The following EMC10 variants were observed in gnomAD, a reference collection of about 807,000 sequenced individuals.
EMC10 encodes the protein ER membrane protein complex subunit 10, also known as UPF0510 protein INM02.
Under a neutral mutation model 32.2 loss-of-function variants are expected in EMC10, and 40 were observed. The ratio of observed to expected loss-of-function variants is 1.24; its 90% CI spans 0.96 to 1.61. The LOEUF is 1.61. Ranked by LOEUF, EMC10 falls within the 40% of genes most tolerant of loss-of-function variation. EMC10 has a pLI of 0.00. For missense variants in EMC10, 402 were observed against 357.7 expected (o/e 1.12, Z -1.00); for synonymous variants, 178 against 158.4 (o/e 1.12, Z -0.93).
chr19:50,482,580 A>G lies in EMC10; in HGVS notation c.*321A>G. ...GCCAGTTCTGACCTCGCATCCCCCT[A>G]CCCCGAGCCCATGCAGTCTGGGAAC... On this transcript the variant is annotated 3_prime_UTR_variant, in exon 7 of 7. Coordinates refer to ENST00000334976, the MANE Select transcript of EMC10 (RefSeq NM_206538.4). 1 of 501,704 alleles carries G rather than the reference A, an allele frequency of 2.0e-6. No homozygotes were observed. 31.1% of individuals were successfully genotyped at this position (501,704 alleles called of 1,614,324 possible).
Position 50,480,359 on chromosome 19 carries a change from T to G in EMC10, c.402+144T>G. 1 of 1,004,134 alleles carries G rather than the reference T, an allele frequency of 1.0e-6. No individual in the cohort carries two copies. Among genetic ancestry groups the G allele is most frequent in the South Asian group, 1.6e-5 (1 of 61,984 alleles). 62.2% of individuals were successfully genotyped at this position (1,004,134 alleles called of 1,614,324 possible). On this transcript the variant is annotated intron_variant, in intron 4 of 6. Coordinates refer to ENST00000334976, the MANE Select transcript of EMC10 (RefSeq NM_206538.4). This position sits in a 1 kb window ranked among gnomAD's most constrained non-coding sequence, Gnocchi z 4.4. ...AGACCTGGCCTTGCCTTCCGAGGCC[T>G]CCTGGTCTGGAGGGGTCGGTCCAGG...
At chr19:50,477,100 C>CAAAAAAAAAAAAAAAAAAAAAAAA (rs2040239196) in intron 1 of EMC10, 1 of 63,596 alleles carries the variant, frequency 1.6e-5, no homozygotes, top group African/African-American at 1.6e-4. Context: ...ACAAAAAATA[C>CAAAAAAAAAAAAAAAAAAAAAAAA]TAAAAAAAAA....
At position 50,485,375 on chromosome 19, in the gene EMC10, C is replaced by G. The variant is rs948139072; in HGVS notation, c.*3116C>G. ...CACCCCTGATCTCCAGACTCATGGC[C>G]CCAGCTGCCTCCTGGGCTCCTTCCC... is the stretch of plus-strand genomic sequence containing the variant. On this transcript the variant is annotated 3_prime_UTR_variant, in exon 7 of 7. Coordinates refer to ENST00000334976, the MANE Select transcript of EMC10 (RefSeq NM_206538.4). 6.6e-6 allele frequency: 1 copy of G among 152,246 alleles called. No homozygotes were observed. The highest frequency in any genetic ancestry group is 1.5e-5 in the Non-Finnish European group (1 of 68,104). The allele number at this position is 152,246 out of a possible 1,614,324, so 9.4% of individuals were successfully genotyped here.
Position 50,483,038 on chromosome 19 carries a change from C to T in EMC10, c.*779C>T, listed in dbSNP as rs1253399275. On this transcript the variant is annotated 3_prime_UTR_variant, in exon 7 of 7. Coordinates refer to ENST00000334976, the MANE Select transcript of EMC10 (RefSeq NM_206538.4). ...CCCTCCACCACCCCCCGCCGCCCAG[C>T]ATCCTACCTGGACTGCGGTGCTACG... 1.8e-6 allele frequency: 1 copy of T among 551,552 alleles called. No homozygotes were observed. The highest frequency in any genetic ancestry group is 3.4e-6 in the Non-Finnish European group (1 of 290,068). The allele number at this position is 551,552 out of a possible 1,614,324, so 34.2% of individuals were successfully genotyped here.
intron 2 of EMC10, 29 bp from the exon 3 acceptor site, chr19:50,478,928 G>A: frequency 6.5e-7 from 1 of 1,546,208 alleles, no homozygotes; most frequent in Non-Finnish European, 8.8e-7. Context: ...GCGGGGGAGG[G>A]GGCGTCTCTG....
rs146265247 is a variant in EMC10 at position 50,481,374 on chromosome 19, T to C, written c.678+397T>C. On this transcript the variant is annotated intron_variant, in intron 6 of 6. Transcript: ENST00000334976. ...GAGGGATGTGGCCCAGGGAGGGGCA[T>C]TGGGGGCAGCAGGGTGCCTGGGAGG... 1,485 of 211,760 alleles carry C rather than the reference T, an allele frequency of 7.0e-3. 15 individuals carry two copies. Among genetic ancestry groups the C allele is most frequent in the Non-Finnish European group, 0.01 (1,107 of 107,542 alleles). 13.1% of individuals were successfully genotyped at this position (211,760 alleles called of 1,614,324 possible). A position where few individuals can be genotyped will look rare whatever the true frequency, so the allele number is the denominator to read the frequency against.
chr19:50,476,614 C>A lies in EMC10; in HGVS notation c.70C>A (p.Arg24=). The part of the protein sequence containing the change: ...LLLMAVAAPS[R]ARGSGCRAGT... Reference sequence around the variant, plus strand: ...GCTGATGGCGGTAGCAGCGCCCAGTCGAGCCCGGGGCAGCGGCTGCCGGGC... The same window carrying A: ...GCTGATGGCGGTAGCAGCGCCCAGTAGAGCCCGGGGCAGCGGCTGCCGGGC... The change falls in exon 1 of 7, where the codon CGA becomes AGA. Residue 24 remains arginine, a synonymous_variant. Transcript: ENST00000334976. 7.0e-6 allele frequency: 11 copies of A among 1,560,942 alleles called. No homozygotes were observed. Among genetic ancestry groups the A allele is most frequent in the Non-Finnish European group, 9.5e-6 (11 of 1,158,948 alleles).
rs759374249 is a variant in EMC10 at position 50,480,961 on chromosome 19, CCTT to C, written c.667_669del (p.Phe223del). 5 of 1,612,120 alleles carry C rather than the reference CCTT, an allele frequency of 3.1e-6. No homozygotes were observed. The highest frequency in any genetic ancestry group is 4.5e-5 in the East Asian group (2 of 44,828). ...GCCAAGAACCCCCAGGAGCAGAAGT[CCTT>C]CTTCGCCAAATACGTGAGTGGGGCT... On this transcript the variant is annotated inframe_deletion, in exon 6 of 7. Coordinates refer to ENST00000334976, the MANE Select transcript of EMC10 (RefSeq NM_206538.4). This position sits in a 1 kb window ranked among gnomAD's most constrained non-coding sequence, Gnocchi z 4.4.
At position 50,481,464 on chromosome 19, in the gene EMC10, G is replaced by A. The variant is rs577640704; in HGVS notation, c.678+487G>A. On this transcript the variant is annotated intron_variant, in intron 6 of 6. Coordinates refer to ENST00000334976, the MANE Select transcript of EMC10 (RefSeq NM_206538.4). The stretch of plus-strand genomic sequence containing the variant: ...AGCAGGTCTGAGTCCCGGGGGCTTA[G>A]AGGCTGAGGCGTGGGGTGGGGAGGC... 8 of 251,438 alleles carry A rather than the reference G, an allele frequency of 3.2e-5. No individual in the cohort carries two copies. In the South Asian group the frequency reaches 6.2e-4, roughly 20 times the overall value. 15.6% of individuals were successfully genotyped at this position (251,438 alleles called of 1,614,324 possible).
intron 3 of EMC10, 137 bp downstream of exon 3, chr19:50,479,203 C>T: frequency 1.5e-6 from 1 of 658,800 alleles, no homozygotes; most frequent in African/African-American, 1.8e-5. Context: ...CCACTCTCAG[C>T]CTCTGTCCTC....
At chr19:50,481,840 C>T (rs1164189886) in intron 6 of EMC10, 10 of 1,547,912 alleles carry the variant, frequency 6.5e-6, no homozygotes, top group Non-Finnish European at 8.7e-6. Flanking sequence ...TGGCCCTGAC[C>T]TGCGCTCCCT....
rs1365927922 is a variant in EMC10, at chr19:50,484,642, T to A, written c.*2383T>A. 6.6e-6 allele frequency: 1 copy of A among 152,052 alleles called. No homozygotes were observed. Among genetic ancestry groups the A allele is most frequent in the Non-Finnish European group, 1.5e-5 (1 of 68,020 alleles). The allele number at this position is 152,052 out of a possible 1,614,324, so 9.4% of individuals were successfully genotyped here. A position where few individuals can be genotyped will look rare whatever the true frequency, so the allele number is the denominator to read the frequency against. ...TCACTATTTTATTTTATTGACCGGG[T>A]TATCCAGGGATGAAGTATGAAACTC... On this transcript the variant is annotated 3_prime_UTR_variant, in exon 7 of 7. Coordinates refer to ENST00000334976, the MANE Select transcript of EMC10 (RefSeq NM_206538.4).
In EMC10 at chr19:50,480,505, G is replaced by A. The variant is rs2040300314; in HGVS notation, c.403-76G>A. 1 of 1,493,818 alleles carries A rather than the reference G, an allele frequency of 6.7e-7. No homozygotes were observed. The highest frequency in any genetic ancestry group is 9.0e-7 in the Non-Finnish European group (1 of 1,109,254). 92.5% of individuals were successfully genotyped at this position (1,493,818 alleles called of 1,614,324 possible). The stretch of plus-strand genomic sequence containing the variant: ...TTGAAAAATGCTCCGGGGGTCCTGT[G>A]GTGGGGGCCGGGGGAGGTTAGGGTG... On this transcript the variant is annotated intron_variant, in intron 4 of 6. Coordinates refer to ENST00000334976, the MANE Select transcript of EMC10 (RefSeq NM_206538.4). The surrounding 1 kb of genome is among the most constrained non-coding windows in gnomAD (Gnocchi z 4.4).
At chr19:50,477,200 CA>C (rs2122653863) in intron 1 of EMC10, 3 of 152,302 alleles carry the variant, frequency 2.0e-5, no homozygotes, top group Admixed American at 2.0e-4. Context: ...GTCAGGAGTT[CA>C]AGACCAGCCT....
In EMC10 at chr19:50,486,341, C is replaced by T. The variant is rs1170927710; in HGVS notation, c.*4082C>T. On this transcript the variant is annotated 3_prime_UTR_variant, in exon 7 of 7. Coordinates refer to ENST00000334976, the MANE Select transcript of EMC10 (RefSeq NM_206538.4). ...AGTAGCTGGGATTACAACCGTGTGC[C>T]ACCACACCCAGCCAATTTTTGTATT... 1.3e-5 allele frequency: 2 copies of T among 152,126 alleles called. No individual in the cohort carries two copies. Among genetic ancestry groups the T allele is most frequent in the African/African-American group, 2.4e-5 (1 of 41,408 alleles). 9.4% of individuals were successfully genotyped at this position (152,126 alleles called of 1,614,324 possible). A position where few individuals can be genotyped will look rare whatever the true frequency, so the allele number is the denominator to read the frequency against.
chr19:50,476,709 G>A lies in EMC10; in HGVS notation c.114+51G>A, dbSNP rs758897427. 8.2e-5 allele frequency: 98 copies of A among 1,190,772 alleles called. 1 individual carries two copies. In the East Asian group the frequency reaches 1.9e-3, roughly 23 times the overall value. 73.8% of individuals were successfully genotyped at this position (1,190,772 alleles called of 1,614,324 possible). ...CGGGCGCGGTCTACGGATGTCGCAG[G>A]TCTTGGGTCTTTAGGTGAGTTACAG... On this transcript the variant is annotated intron_variant, in intron 1 of 6. Coordinates refer to ENST00000334976, the MANE Select transcript of EMC10 (RefSeq NM_206538.4).
intron 1 of EMC10, among the ~76,000 whole-genome samples, 155 bp from the exon 2 acceptor site, chr19:50,477,774 G>T (rs1477253760): frequency 6.6e-6 from 1 of 152,176 alleles, no homozygotes; most frequent in Non-Finnish European, 1.5e-5. Context: ...CATGAAATGG[G>T]TGGTTTCTAG....
chr19:50,481,824 G>T (rs2040323260), intron 6 of EMC10: 14 of 1,514,960 alleles, frequency 9.2e-6, no homozygotes, highest in Non-Finnish European at 1.2e-5. Flanking sequence ...CCCCACGGCA[G>T]CCCACTGGCC....
chr19:50,482,473 C>T lies in EMC10; in HGVS notation c.*214C>T, dbSNP rs1356764635. Reference sequence around the variant, plus strand: ...TTGGCACAGCAGCCGGTGTCTCCTGCGCCCGCCTCCCCCATGGCCCCATGC... The same window carrying T: ...TTGGCACAGCAGCCGGTGTCTCCTGTGCCCGCCTCCCCCATGGCCCCATGC... On this transcript the variant is annotated 3_prime_UTR_variant, in exon 7 of 7. Coordinates refer to ENST00000334976, the MANE Select transcript of EMC10 (RefSeq NM_206538.4). 11 of 585,950 alleles carry T rather than the reference C, an allele frequency of 1.9e-5. No individual in the cohort carries two copies. The highest frequency in any genetic ancestry group is 1.5e-4 in the African/African-American group (8 of 53,010). 36.3% of individuals were successfully genotyped at this position (585,950 alleles called of 1,614,324 possible).
Sources: gnomAD v4.1 joint callset for allele counts (sites outside exome capture counted in the v4.1 genomes callset) on GRCh38, gnomAD v4.1.1 for gene constraint, Gnocchi (gnomAD v3.1) non-coding constraint, MANE v1.5 for transcripts, NCBI Gene and HGNC (gene_info 2026-07-23, HGNC 2026-07-21) for gene names.